Variants in NF1 observed in about 807,000 individuals in gnomAD.
The protein encoded by NF1 is neurofibromin 1, also known as neurofibromin.
Under a neutral mutation model 325.7 loss-of-function variants are expected in NF1, and 122 were observed. That is an observed-to-expected ratio of 0.37 (90% CI 0.32 to 0.44). NF1 has a LOEUF of 0.44. Ranked by LOEUF, NF1 falls within the 20% of genes least tolerant of loss-of-function variation. The pLI, the probability that NF1 is intolerant of heterozygous loss-of-function variation, is 1.00. For missense variants in NF1, 2,140 were observed against 3,415.4 expected (o/e 0.63, Z 9.31); for synonymous variants, 1,091 against 1,186.0 (o/e 0.92, Z 1.65).
At chr17:31,189,158 A>G (rs1484296100) in intron 8 of NF1, among the ~76,000 whole-genome samples, 2 of 152,168 alleles carry the variant, frequency 1.3e-5, no homozygotes, top group Non-Finnish European at 2.9e-5. Flanking sequence ...TTATTTGTGT[A>G]TCTTCAGGGA....
intron 15 of NF1, 53 bp downstream of exon 15, chr17:31,221,982 T>A (rs1281660774): frequency 6.6e-7 from 1 of 1,519,338 alleles, no homozygotes; most frequent in South Asian, 1.2e-5. Context: ...TTTTGTATTT[T>A]TGTCTTGAAA....
At chr17:31,147,859 C>T (rs1304902358) in intron 1 of NF1, among the ~76,000 whole-genome samples, 2 of 152,350 alleles carry the variant, frequency 1.3e-5, no homozygotes, top group East Asian at 3.9e-4. Context: ...CTCACTGAGG[C>T]ATTTGAGATT....
intron 46 of NF1, among the ~76,000 whole-genome samples, chr17:31,339,195 T>C (rs1390428615): frequency 6.6e-6 from 1 of 151,944 alleles, no homozygotes; most frequent in Admixed American, 6.6e-5. Flanking sequence ...GGTGTGGAGG[T>C]TGGGGAGTGA....
chr17:31,224,193 G>A (rs1320070402), intron 16 of NF1, among the ~76,000 whole-genome samples: 1 of 152,168 alleles, frequency 6.6e-6, no homozygotes, highest in African/African-American at 2.4e-5. Flanking sequence ...TTGGGGTGGA[G>A]TGAAATGTTT....
chr17:31,333,106 A>G (rs2069549222), intron 39 of NF1, among the ~76,000 whole-genome samples: 1 of 152,178 alleles, frequency 6.6e-6, no homozygotes, highest in African/African-American at 2.4e-5. Flanking sequence ...ATAAAAGCCA[A>G]TTGAAAGAAT....
At chr17:31,319,724 C>G (rs914651699) in intron 36 of NF1, among the ~76,000 whole-genome samples, 4 of 142,214 alleles carry the variant, frequency 2.8e-5, no homozygotes, top group African/African-American at 1.0e-4. Flanking sequence ...AAGGCAAAGG[C>G]ATACCAGTTT....
At chr17:31,104,844 T>A (rs2143242837) in intron 1 of NF1, among the ~76,000 whole-genome samples, 1 of 152,376 alleles carries the variant, frequency 6.6e-6, no homozygotes, top group South Asian at 2.1e-4. Context: ...CCACTTCAAA[T>A]GTTATATGCC....
At chr17:31,255,290 C>G (rs1464528571) in intron 31 of NF1, among the ~76,000 whole-genome samples, 1 of 152,028 alleles carries the variant, frequency 6.6e-6, no homozygotes, top group African/African-American at 2.4e-5. Flanking sequence ...AACACACAGA[C>G]TGGCCCAAGT....
In NF1 at chr17:31,222,145, G is replaced by A. The variant is rs1203291432; in HGVS notation, c.1721+216G>A. 6 of 1,267,250 alleles carry A rather than the reference G, an allele frequency of 4.7e-6. No individual in the cohort carries two copies. In the East Asian group the frequency reaches 1.5e-4, roughly 33 times the overall value. 78.5% of individuals were successfully genotyped at this position (1,267,250 alleles called of 1,614,324 possible). ...TTAGAAAATAAATTTTAAGAATAGT[G>A]CTAAATTTTGTCACCCTAACATAAG... On this transcript the variant is annotated intron_variant, in intron 15 of 57. Coordinates refer to ENST00000358273, the MANE Select transcript of NF1 (RefSeq NM_001042492.3).
chr17:31,172,217 C>G (rs190801872), intron 5 of NF1, among the ~76,000 whole-genome samples: 41 of 152,216 alleles, frequency 2.7e-4, no homozygotes, highest in Admixed American at 4.6e-4. Flanking sequence ...GTCCCAGCTA[C>G]TTGGGAGGCT....
chr17:31,316,042 A>G (rs1182416279), intron 36 of NF1, among the ~76,000 whole-genome samples: 1 of 152,090 alleles, frequency 6.6e-6, no homozygotes, highest in Admixed American at 6.6e-5. Flanking sequence ...GACTACAGGC[A>G]CATGCTACTA....
chr17:31,210,675 A>C (rs1354392943), intron 12 of NF1, among the ~76,000 whole-genome samples: 1 of 152,208 alleles, frequency 6.6e-6, no homozygotes, highest in Non-Finnish European at 1.5e-5. Flanking sequence ...TTTTAAAATT[A>C]AAATGCCATA....
intron 36 of NF1, among the ~76,000 whole-genome samples, chr17:31,273,776 C>T (rs549335652): frequency 4.6e-5 from 7 of 152,254 alleles, no homozygotes; most frequent in Admixed American, 4.6e-4. Context: ...TAGACTTTGG[C>T]AGAGATTAAA....
At chr17:31,213,041 T>C (rs1399999905) in intron 12 of NF1, among the ~76,000 whole-genome samples, 1 of 152,226 alleles carries the variant, frequency 6.6e-6, no homozygotes, top group Non-Finnish European at 1.5e-5. Context: ...TCTGATCTTG[T>C]GTTCCTGTGC....
intron 1 of NF1, among the ~76,000 whole-genome samples, chr17:31,122,260 A>G (rs1332629111): frequency 6.6e-6 from 1 of 152,178 alleles, no homozygotes; most frequent in East Asian, 1.9e-4. Context: ...ATGAAATTGG[A>G]AGGCTTCAGA....
chr17:31,295,416 G>T (rs1242379638), intron 36 of NF1: 3 of 1,614,120 alleles, frequency 1.9e-6, no homozygotes, highest in Admixed American at 3.3e-5. Flanking sequence ...GTTCGATATT[G>T]TTTGGGTATT....
chr17:31,107,348 C>T (rs771962959), intron 1 of NF1, among the ~76,000 whole-genome samples: 1 of 152,054 alleles, frequency 6.6e-6, no homozygotes, highest in Non-Finnish European at 1.5e-5. Context: ...CATATATTGG[C>T]GACAAAGATC....
At chr17:31,130,239 C>T (rs967755507) in intron 1 of NF1, among the ~76,000 whole-genome samples, 1 of 152,060 alleles carries the variant, frequency 6.6e-6, no homozygotes. Flanking sequence ...TGGGCCCCAG[C>T]TTTGTTCTCT....
At chr17:31,323,398 G>GA (rs747488970) in intron 36 of NF1, among the ~76,000 whole-genome samples, 75 of 141,940 alleles carry the variant, frequency 5.3e-4, no homozygotes, top group Middle Eastern at 3.5e-3. Context: ...TGAGTTAAGG[G>GA]AAAAAAAAAA....
Sources: allele counts gnomAD v4.1 joint callset (sites outside exome capture counted in the v4.1 genomes callset), GRCh38; gene constraint gnomAD v4.1.1; transcripts MANE v1.5; gene names NCBI Gene and HGNC (gene_info 2026-07-23, HGNC 2026-07-21).